Variants in FAF1 observed in about 807,000 individuals in gnomAD.
FAF1 encodes FAS-associated factor 1.
Under a neutral mutation model 92.5 loss-of-function variants are expected in FAF1, and 25 were observed. That is an observed-to-expected ratio of 0.27 (90% CI 0.20 to 0.38). FAF1 has a LOEUF of 0.38. Ranked by LOEUF, FAF1 falls within the 10% of genes least tolerant of loss-of-function variation. The pLI is 1.00. For missense variants in FAF1, 636 were observed against 793.3 expected (o/e 0.80, Z 2.38); for synonymous variants, 234 against 273.2 (o/e 0.86, Z 1.42).
chr1:50,502,576 A>G (rs967164228), intron 15 of FAF1, among the ~76,000 whole-genome samples: 2 of 152,168 alleles, frequency 1.3e-5, no homozygotes, highest in East Asian at 1.9e-4. Flanking sequence ...TTGACTCACA[A>G]GTATAAATTG....
At chr1:50,735,230 T>TAA (rs1470806470) in intron 6 of FAF1, among the ~76,000 whole-genome samples, 3 of 152,224 alleles carry the variant, frequency 2.0e-5, no homozygotes, top group African/African-American at 7.2e-5. Context: ...TGTTTTCTCC[T>TAA]TCCTAATTTT....
intron 15 of FAF1, among the ~76,000 whole-genome samples, chr1:50,511,851 A>C (rs1647138600): frequency 6.6e-6 from 1 of 152,000 alleles, no homozygotes; most frequent in Admixed American, 6.6e-5. Context: ...ACTAATTTAC[A>C]CTCCCACCAA....
intron 1 of FAF1, among the ~76,000 whole-genome samples, chr1:50,904,880 CT>C (rs879719866): frequency 3.1e-4 from 45 of 147,404 alleles, no homozygotes; most frequent in African/African-American, 7.0e-4. Flanking sequence ...TATTTTTTTC[CT>C]TTTTTTTTTC....
chr1:50,490,876 T>C (rs761059571), intron 16 of FAF1, among the ~76,000 whole-genome samples: 13 of 152,226 alleles, frequency 8.5e-5, no homozygotes, highest in Non-Finnish European at 1.6e-4. Context: ...CATAGGTCTC[T>C]GATAATGTTA....
intron 13 of FAF1, among the ~76,000 whole-genome samples, chr1:50,557,959 C>G (rs992508884): frequency 1.4e-4 from 21 of 151,850 alleles, no homozygotes; most frequent in African/African-American, 5.1e-4. Context: ...GTTGCCCAGG[C>G]TGGAGTGCAG....
chr1:50,582,440 C>T (rs1319393843), intron 12 of FAF1, 178 bp downstream of exon 12: 1 of 525,166 alleles, frequency 1.9e-6, no homozygotes, highest in Non-Finnish European at 3.4e-6. Context: ...TAAAATTGGA[C>T]TTATACAGAG....
chr1:50,722,121 G>A (rs1361492302), intron 6 of FAF1, among the ~76,000 whole-genome samples: 1 of 152,074 alleles, frequency 6.6e-6, no homozygotes, highest in Non-Finnish European at 1.5e-5. Flanking sequence ...GTCCCCCACT[G>A]GCAATTGCTC....
At chr1:50,853,447 T>C (rs1226118097) in intron 2 of FAF1, among the ~76,000 whole-genome samples, 1 of 152,166 alleles carries the variant, frequency 6.6e-6, no homozygotes, top group Non-Finnish European at 1.5e-5. Flanking sequence ...TATGCGGATT[T>C]GTTTCACTCT....
intron 8 of FAF1, among the ~76,000 whole-genome samples, chr1:50,629,744 G>A (rs1310684445): frequency 6.6e-6 from 1 of 152,062 alleles, no homozygotes; most frequent in East Asian, 1.9e-4. Flanking sequence ...CTTCGGGATT[G>A]ATTAACGTGA....
intron 4 of FAF1, among the ~76,000 whole-genome samples, chr1:50,764,752 AG>A (rs1043378583): frequency 2.6e-5 from 4 of 152,228 alleles, no homozygotes; most frequent in African/African-American, 4.8e-5. Flanking sequence ...CAAGGGCAAA[AG>A]TAGAAATTCT....
chr1:50,470,367 G>T (rs530335732), intron 18 of FAF1, among the ~76,000 whole-genome samples: 21 of 152,276 alleles, frequency 1.4e-4, no homozygotes, highest in Non-Finnish European at 2.2e-4. Flanking sequence ...TTTTATAATT[G>T]TTCAAGTGAC....
intron 18 of FAF1, among the ~76,000 whole-genome samples, chr1:50,467,768 T>C (rs1403720617): frequency 6.6e-6 from 1 of 152,196 alleles, no homozygotes; most frequent in Non-Finnish European, 1.5e-5. Context: ...CTGGGCAAGT[T>C]ACCTAACCTC....
rs199732708 is a variant in FAF1, at chr1:50,490,581, G to A, written c.1653+7C>T. The stretch of plus-strand genomic sequence containing the variant: ...TTTGAATAACTTTTCTTAAAATTAT[G>A]CCCCACCTCACGTTCCTCTTCTTGT... On this transcript the variant is annotated splice_region_variant and intron_variant, in intron 17 of 18. Transcript: ENST00000396153. 1.2e-5 allele frequency: 19 copies of A among 1,585,084 alleles called. No individual in the cohort carries two copies. The African/African-American group carries it at 2.4e-4, about 20-fold the overall frequency.
chr1:50,885,314 A>ACACACACACACACACACACACACACC (rs1644651015), intron 1 of FAF1, among the ~76,000 whole-genome samples: 1 of 83,658 alleles, frequency 1.2e-5, no homozygotes, highest in Non-Finnish European at 2.5e-5. Context: ...TCTCTCTCTC[A>ACACACACACACACACACACACACACC]CACACACACA....
At position 50,849,660 on chromosome 1, in the gene FAF1, T is replaced by C. The variant is rs1296762364; in HGVS notation, c.114+8269A>G. 2.0e-5 allele frequency among the ~76,000 whole-genome samples: 3 copies of C among 152,264 alleles called. No homozygotes were observed. In the East Asian group the frequency reaches 5.8e-4, roughly 29 times the overall value. On this transcript the variant is annotated intron_variant, in intron 2 of 18. Transcript: ENST00000396153. ...ACTGACTATATAGGCTACTAACCTC[T>C]AGACTATATAGACTACTAACCTCTA...
At chr1:50,585,892 A>G (rs1019583238) in intron 9 of FAF1, among the ~76,000 whole-genome samples, 1 of 150,894 alleles carries the variant, frequency 6.6e-6, no homozygotes, top group Non-Finnish European at 1.5e-5. Context: ...AAAAAAAAAA[A>G]AAAAAAAAAG....
intron 1 of FAF1, among the ~76,000 whole-genome samples, chr1:50,952,087 C>CTCTCCCTCTCCCCTTTCTACGG (rs1553154040): frequency 6.6e-6 from 1 of 152,018 alleles, no homozygotes; most frequent in African/African-American, 2.4e-5. Context: ...AAATTTGGCC[C>CTCTCCCTCTCCCCTTTCTACGG]TCTCCCTCTC....
intron 3 of FAF1, among the ~76,000 whole-genome samples, chr1:50,794,153 C>A (rs536082883): frequency 1.1e-4 from 17 of 152,318 alleles, no homozygotes; most frequent in African/African-American, 4.1e-4. Flanking sequence ...CACAAAAATA[C>A]AAGGGCTGCC....
chr1:50,692,852 C>T (rs1422780055), intron 7 of FAF1, among the ~76,000 whole-genome samples: 1 of 152,110 alleles, frequency 6.6e-6, no homozygotes, highest in African/African-American at 2.4e-5. Flanking sequence ...TGCTTATTGG[C>T]TGTTTGCATA....
Sources: allele counts gnomAD v4.1 joint callset (sites outside exome capture counted in the v4.1 genomes callset), GRCh38; gene constraint gnomAD v4.1.1; transcripts MANE v1.5; gene names NCBI Gene and HGNC (gene_info 2026-07-23, HGNC 2026-07-21).